The following KIAA0319L variants were observed in gnomAD, a reference collection of about 807,000 sequenced individuals.
KIAA0319L encodes dyslexia-associated protein KIAA0319-like protein.
Under a neutral mutation model 120.1 loss-of-function variants are expected in KIAA0319L, and 55 were observed. The observed-to-expected ratio is 0.46, with a 90% CI of 0.37 to 0.57. KIAA0319L has a LOEUF of 0.57. KIAA0319L is among the 20% of genes least tolerant of loss of function. KIAA0319L has a pLI of 0.00. For missense variants in KIAA0319L, 1,049 were observed against 1,255.3 expected, an observed-to-expected ratio of 0.84 and a Z score of 2.48; for synonymous variants, 398 against 471.9, an observed-to-expected ratio of 0.84 and a Z score of 2.03.
chr1:35,456,425 C>CTG (rs1191193759), intron 9 of KIAA0319L, among the ~76,000 whole-genome samples, 184 bp from the exon 10 acceptor site: 1 of 152,160 alleles, frequency 6.6e-6, no homozygotes, highest in Non-Finnish European at 1.5e-5. Context: ...TTATGATGTG[C>CTG]TAGGCACTGC....
chr1:35,541,068 A>C (rs1046880554), intron 2 of KIAA0319L, among the ~76,000 whole-genome samples: 1 of 151,962 alleles, frequency 6.6e-6, no homozygotes, highest in African/African-American at 2.4e-5. Context: ...CAGTCTCTCA[A>C]GTAGCTGGGA....
At chr1:35,487,427 G>T (rs1465605263) in intron 3 of KIAA0319L, among the ~76,000 whole-genome samples, 1 of 152,040 alleles carries the variant, frequency 6.6e-6, no homozygotes, top group Non-Finnish European at 1.5e-5. Flanking sequence ...GCTAATTTTT[G>T]TATTTTTAGT....
chr1:35,518,958 C>T (rs1463038983), intron 2 of KIAA0319L, among the ~76,000 whole-genome samples: 1 of 120,554 alleles, frequency 8.3e-6, no homozygotes, highest in East Asian at 2.5e-4. Flanking sequence ...GAGCCAAGAT[C>T]AAGAGCAAGA....
intron 4 of KIAA0319L, 121 bp from the exon 5 acceptor site, chr1:35,475,027 CT>C: frequency 1.7e-6 from 1 of 603,400 alleles, no homozygotes. Flanking sequence ...CAATTACTAA[CT>C]TTTTTCTACT....
At chr1:35,466,395 G>A (rs1643265834) in intron 7 of KIAA0319L, among the ~76,000 whole-genome samples, 1 of 152,306 alleles carries the variant, frequency 6.6e-6, no homozygotes, top group Admixed American at 6.5e-5. Context: ...ATACTGCACT[G>A]TGGGCCATGT....
intron 14 of KIAA0319L, 57 bp downstream of exon 14, chr1:35,450,301 G>A (rs1036881041): frequency 9.5e-5 from 145 of 1,533,388 alleles, no homozygotes; most frequent in Middle Eastern, 2.2e-4. Flanking sequence ...ATACTGGAAC[G>A]CGTGGCTCCT....
chr1:35,448,852 C>T (rs939057314), intron 15 of KIAA0319L, among the ~76,000 whole-genome samples: 2 of 152,162 alleles, frequency 1.3e-5, no homozygotes, highest in Non-Finnish European at 2.9e-5. Flanking sequence ...AAAAGAAAAT[C>T]CAGTCAGCCA....
At chr1:35,510,370 C>T (rs1645380881) in intron 2 of KIAA0319L, 1 of 150,814 alleles carries the variant, frequency 6.6e-6, no homozygotes, top group South Asian at 2.1e-4. Context: ...CAGAAAAAAA[C>T]AGCCCTTTCT....
intron 2 of KIAA0319L, among the ~76,000 whole-genome samples, chr1:35,535,705 G>T (rs1646547967): frequency 6.6e-6 from 1 of 151,966 alleles, no homozygotes; most frequent in Non-Finnish European, 1.5e-5. Context: ...CTTCATTTTA[G>T]CTCGGCCACC....
Position 35,455,993 on chromosome 1 carries a change from T to C in KIAA0319L, c.1656+20A>G, listed in dbSNP as rs774330899. 7 of 1,574,232 alleles carry C rather than the reference T, an allele frequency of 4.4e-6. No homozygotes were observed. Among genetic ancestry groups the C allele is most frequent in the Non-Finnish European group, 6.1e-6 (7 of 1,152,092 alleles). On this transcript the variant is annotated intron_variant, in intron 10 of 20. Coordinates refer to ENST00000325722, the MANE Select transcript of KIAA0319L (RefSeq NM_024874.5). The stretch of plus-strand genomic sequence containing the variant: ...TCTACTTCTCTTGGGCAAGAAAAAA[T>C]AGGAACCATTCCCTCCTACCTGCAT...
chr1:35,483,936 T>TA (rs957089873), intron 3 of KIAA0319L, among the ~76,000 whole-genome samples: 15 of 152,216 alleles, frequency 9.9e-5, no homozygotes, highest in African/African-American at 3.6e-4. Flanking sequence ...TGCGGCAACC[T>TA]AACTCTACTC....
chr1:35,445,731 A>G (rs1016341452), intron 16 of KIAA0319L, among the ~76,000 whole-genome samples: 1 of 152,220 alleles, frequency 6.6e-6, no homozygotes, highest in African/African-American at 2.4e-5. Flanking sequence ...AGCTGGGTCT[A>G]ATATAAGGGC....
At chr1:35,449,468 T>C (rs1641883400) in intron 15 of KIAA0319L, among the ~76,000 whole-genome samples, 1 of 152,250 alleles carries the variant, frequency 6.6e-6, no homozygotes, top group Non-Finnish European at 1.5e-5. Context: ...TGCATCTGGA[T>C]GCTGATGAGA....
intron 5 of KIAA0319L, among the ~76,000 whole-genome samples, chr1:35,471,301 C>A (rs1262860550): frequency 1.3e-5 from 2 of 152,158 alleles, no homozygotes; most frequent in African/African-American, 4.8e-5. Flanking sequence ...TAGATGAACT[C>A]ATTGGGAACA....
At chr1:35,469,111 C>T (rs1248578964) in intron 6 of KIAA0319L, among the ~76,000 whole-genome samples, 1 of 152,162 alleles carries the variant, frequency 6.6e-6, no homozygotes, top group Non-Finnish European at 1.5e-5. Flanking sequence ...TCACTGCAAC[C>T]TCTACCTCCT....
chr1:35,545,654 C>T (rs562281889), intron 2 of KIAA0319L, among the ~76,000 whole-genome samples: 3 of 152,248 alleles, frequency 2.0e-5, no homozygotes, highest in East Asian at 1.9e-4. Flanking sequence ...TGGCTCACAC[C>T]TGTAACCCCA....
At chr1:35,454,331 G>T (rs1339713948) in intron 11 of KIAA0319L, 31 bp downstream of exon 11, 1 of 1,611,666 alleles carries the variant, frequency 6.2e-7, no homozygotes, top group Non-Finnish European at 8.5e-7. Flanking sequence ...CCCACCAATA[G>T]AAGAGCCTGA....
intron 8 of KIAA0319L, among the ~76,000 whole-genome samples, chr1:35,461,404 T>C (rs1432506507): frequency 6.6e-6 from 1 of 152,070 alleles, no homozygotes; most frequent in East Asian, 1.9e-4. Context: ...AGGTGGAGGT[T>C]GCAGTGAGCC....
At chr1:35,488,444 T>C (rs564148930) in intron 3 of KIAA0319L, among the ~76,000 whole-genome samples, 3 of 152,078 alleles carry the variant, frequency 2.0e-5, no homozygotes, top group South Asian at 2.1e-4. Flanking sequence ...AAAAACGAAA[T>C]AGACTACAGA....
Sources: gnomAD v4.1 joint callset for allele counts (sites outside exome capture counted in the v4.1 genomes callset) on GRCh38, gnomAD v4.1.1 for gene constraint, MANE v1.5 for transcripts, NCBI Gene and HGNC (gene_info 2026-07-23, HGNC 2026-07-21) for gene names.